Variants in SEM1 observed in about 807,000 individuals in gnomAD.
SEM1 encodes the protein 26S proteasome complex subunit SEM1.
Under a neutral mutation model 12.7 loss-of-function variants are expected in SEM1, and 3 were observed. The ratio of observed to expected loss-of-function variants is 0.24; its 90% CI spans 0.11 to 0.61. SEM1 has a LOEUF of 0.61. SEM1 is among the 20% of genes least tolerant of loss of function. The pLI is 0.88. For missense variants in SEM1, 59 were observed against 81.3 expected, an observed-to-expected ratio of 0.73 and a Z score of 1.06; for synonymous variants, 30 against 27.8, an observed-to-expected ratio of 1.08 and a Z score of -0.25.
At chr7:96,585,651 G>A (rs561801916) in intron 2 of SEM1, among the ~76,000 whole-genome samples, 123 of 152,364 alleles carry the variant, frequency 8.1e-4, no homozygotes, top group Non-Finnish European at 1.5e-3. Flanking sequence ...CGAGCCAGGT[G>A]CGGGATATAA....
chr7:96,666,884 C>A (rs565017944), intron 2 of SEM1, among the ~76,000 whole-genome samples: 1 of 152,204 alleles, frequency 6.6e-6, no homozygotes, highest in East Asian at 1.9e-4. Flanking sequence ...CATGTGACCC[C>A]AAAAAATATG....
At chr7:96,592,742 C>G (rs1806867125) in intron 2 of SEM1, among the ~76,000 whole-genome samples, 1 of 151,808 alleles carries the variant, frequency 6.6e-6, no homozygotes, top group Non-Finnish European at 1.5e-5. Context: ...GGGTTTCAAG[C>G]TCCTCTGAGG....
intron 1 of SEM1, among the ~76,000 whole-genome samples, chr7:96,699,860 G>A (rs748828929): frequency 2.0e-5 from 3 of 152,074 alleles, no homozygotes; most frequent in Non-Finnish European, 4.4e-5. Context: ...TCCCACCCCA[G>A]GATAAACACT....
At chr7:96,493,087 C>T (rs2093203152) in intron 1 of SEM1, among the ~76,000 whole-genome samples, 1 of 151,962 alleles carries the variant, frequency 6.6e-6, no homozygotes, top group Admixed American at 6.6e-5. Context: ...GATTGTCGTG[C>T]CTTAGCCTCC....
At chr7:96,704,341 T>G in intron 1 of SEM1, among the ~76,000 whole-genome samples, 1 of 152,200 alleles carries the variant, frequency 6.6e-6, no homozygotes, top group Non-Finnish European at 1.5e-5. Context: ...GTGTTTTTAC[T>G]TTTTAATTTA....
intron 2 of SEM1, chr7:96,645,923 GAT>G (rs1170954007): frequency 1.5e-5 from 6 of 398,298 alleles, no homozygotes; most frequent in East Asian, 1.1e-4. Context: ...GGGTAGAGAT[GAT>G]GCTGTGTCTA....
At chr7:96,669,491 A>G (rs1563105349), downstream of SEM1, among the ~76,000 whole-genome samples, 1 of 152,234 alleles carries the variant, frequency 6.6e-6, no homozygotes, top group Non-Finnish European at 1.5e-5. Context: ...CTACTTAACA[A>G]TATACACGTG....
At chr7:96,500,561 C>A (rs968318324), upstream of SEM1, among the ~76,000 whole-genome samples, 1 of 152,056 alleles carries the variant, frequency 6.6e-6, no homozygotes, top group Non-Finnish European at 1.5e-5. Flanking sequence ...TATGTGTCCA[C>A]CTAAGAATAT....
At chr7:96,662,797 AACTC>A (rs951546232) in intron 2 of SEM1, among the ~76,000 whole-genome samples, 4 of 152,244 alleles carry the variant, frequency 2.6e-5, no homozygotes, top group Non-Finnish European at 5.9e-5. Context: ...CACAAAAACT[AACTC>A]AATATGATTC....
intron 2 of SEM1, among the ~76,000 whole-genome samples, chr7:96,596,616 C>T (rs1457449065): frequency 6.6e-6 from 1 of 152,104 alleles, no homozygotes; most frequent in African/African-American, 2.4e-5. Flanking sequence ...TGTGACAAGT[C>T]TATTGTGTTG....
chr7:96,691,521 G>T (rs535985313), intron 2 of SEM1, among the ~76,000 whole-genome samples: 4 of 152,194 alleles, frequency 2.6e-5, no homozygotes, highest in Non-Finnish European at 5.9e-5. Context: ...TCACACTAGA[G>T]TCTGAGATGC....
At chr7:96,521,290 C>T (rs1804261136) in intron 2 of SEM1, among the ~76,000 whole-genome samples, 1 of 152,058 alleles carries the variant, frequency 6.6e-6, no homozygotes, top group African/African-American at 2.4e-5. Flanking sequence ...TTATTCAGTG[C>T]CTCTGGCATA....
intron 2 of SEM1, among the ~76,000 whole-genome samples, chr7:96,593,004 A>T (rs1246789997): frequency 1.8e-4 from 21 of 115,926 alleles, no homozygotes; most frequent in Non-Finnish European, 3.2e-4. Flanking sequence ...CATATTAAAA[A>T]AAAAAAAAAA....
intron 2 of SEM1, among the ~76,000 whole-genome samples, chr7:96,629,851 C>T (rs1419855850): frequency 3.3e-5 from 5 of 152,228 alleles, no homozygotes; most frequent in Admixed American, 1.3e-4. Flanking sequence ...GGGGCCACCC[C>T]ATGCCCAATA....
chr7:96,613,126 C>T (rs529649977), intron 2 of SEM1, among the ~76,000 whole-genome samples: 40 of 152,070 alleles, frequency 2.6e-4, no homozygotes, highest in South Asian at 1.0e-3. Context: ...CTAGAGGAGA[C>T]CTTTTGGGGT....
rs1449303301 is a variant in SEM1 at position 96,652,220 on chromosome 7, CTTTA to C, written c.171-29581_171-29578del. Among the ~76,000 whole-genome samples the C allele has an allele frequency of 2.6e-5, 4 of 151,976 alleles. No individual in the cohort carries two copies. The East Asian group carries it at 7.7e-4, about 29-fold the overall frequency. ...CTTTATATTGAAATAATATTTATTG[CTTTA>C]TTTTATTGTTTTATTTGTGTTTACT... On this transcript the variant is annotated intron_variant, in intron 2 of 2. Coordinates refer to the SEM1 transcript ENST00000417009.
chr7:96,627,363 T>C (rs921382860), intron 2 of SEM1, among the ~76,000 whole-genome samples: 3 of 152,058 alleles, frequency 2.0e-5, no homozygotes, highest in Non-Finnish European at 2.9e-5. Flanking sequence ...ATTAGGTTGT[T>C]TATTTGAAGT....
intron 2 of SEM1, among the ~76,000 whole-genome samples, chr7:96,654,319 C>T (rs923414172): frequency 6.6e-5 from 10 of 152,090 alleles, no homozygotes; most frequent in Non-Finnish European, 1.5e-4. Flanking sequence ...GAAGCTTCCC[C>T]AATAGAAAGT....
At chr7:96,614,496 T>C (rs965296424) in intron 2 of SEM1, among the ~76,000 whole-genome samples, 3 of 152,222 alleles carry the variant, frequency 2.0e-5, no homozygotes, top group Non-Finnish European at 2.9e-5. Context: ...AAGAAGCTCT[T>C]TCCAGACCTG....
Sources: allele counts gnomAD v4.1 joint callset (sites outside exome capture counted in the v4.1 genomes callset), GRCh38; gene constraint gnomAD v4.1.1; transcripts MANE v1.5; gene names NCBI Gene and HGNC (gene_info 2026-07-23, HGNC 2026-07-21).